The following TSPAN18 variants were observed in gnomAD, a reference collection of about 807,000 sequenced individuals.
TSPAN18 encodes the protein tetraspanin-18.
In TSPAN18, 14 loss-of-function variants were observed where a neutral mutation model predicts 27.3. That is an observed-to-expected ratio of 0.51 (90% CI 0.34 to 0.80). The LOEUF (loss-of-function observed/expected upper bound fraction) is 0.80. Among genes scored for constraint, TSPAN18 ranks in the 30% least tolerant of loss-of-function variants. The pLI is 0.01. For synonymous variants in TSPAN18, 143 were observed against 136.5 expected (o/e 1.05, Z -0.33); for missense variants, 268 against 323.9 (o/e 0.83, Z 1.32).
At chr11:44,787,381 T>G (rs1339969195) in intron 2 of TSPAN18, among the ~76,000 whole-genome samples, 2 of 152,208 alleles carry the variant, frequency 1.3e-5, no homozygotes, top group Non-Finnish European at 2.9e-5. Flanking sequence ...GAACCTGAAC[T>G]TATCCCATCC....
chr11:44,833,356 G>C (rs558583408), intron 2 of TSPAN18, among the ~76,000 whole-genome samples: 1 of 151,966 alleles, frequency 6.6e-6, no homozygotes, highest in East Asian at 2.0e-4. Context: ...CTACCTCTGA[G>C]CAAATGGTGC....
At chr11:44,917,011 AT>A (rs1412292953) in intron 5 of TSPAN18, among the ~76,000 whole-genome samples, 1 of 152,228 alleles carries the variant, frequency 6.6e-6, no homozygotes. Context: ...CAGGGCCTTC[AT>A]GGCGAGTGCT....
rs191910169 is a variant in TSPAN18 at position 44,888,624 on chromosome 11, G to A, written c.-10-17783G>A. Among the ~76,000 whole-genome samples the A allele has an allele frequency of 3.7e-3, 566 of 152,306 alleles. 1 individual carries two copies. Among genetic ancestry groups the A allele is most frequent in the African/African-American group, 0.012 (498 of 41,562 alleles). ...GGGCTGCATTTGGAGGTTGCCTGGT[G>A]TGTGGCCAGGAGTACCTAGGTTGGA... is the stretch of plus-strand genomic sequence containing the variant. On this transcript the variant is annotated intron_variant, in intron 3 of 9. Transcript: ENST00000520358.
At chr11:44,882,308 G>A (rs1030314157) in intron 3 of TSPAN18, among the ~76,000 whole-genome samples, 23 of 152,158 alleles carry the variant, frequency 1.5e-4, no homozygotes, top group South Asian at 4.2e-4. Context: ...ACACCTACCC[G>A]TTCTTCCTTT....
At chr11:44,784,733 G>C (rs74700607) in intron 2 of TSPAN18, among the ~76,000 whole-genome samples, 16,270 of 152,054 alleles carry the variant, frequency 0.11, 1,557 homozygotes, top group East Asian at 0.51. Context: ...GTCAATCAGT[G>C]ATGATAACCC....
At chr11:44,806,041 CTTT>C (rs34132755) in intron 2 of TSPAN18, among the ~76,000 whole-genome samples, 5 of 134,524 alleles carry the variant, frequency 3.7e-5, no homozygotes, top group Admixed American at 2.3e-4. Flanking sequence ...CTATTTTTTC[CTTT>C]TTTTTTTTTT....
At chr11:44,779,133 T>A (rs903303142) in intron 2 of TSPAN18, among the ~76,000 whole-genome samples, 1 of 151,900 alleles carries the variant, frequency 6.6e-6, no homozygotes, top group Admixed American at 6.5e-5. Context: ...CCACAGCCCT[T>A]TTTGGCAAGG....
intron 3 of TSPAN18, among the ~76,000 whole-genome samples, chr11:44,892,285 TGTAG>T (rs1858878896): frequency 6.6e-6 from 1 of 152,064 alleles, no homozygotes. Context: ...CATGACAGGG[TGTAG>T]GTAGGCATCC....
intron 2 of TSPAN18, among the ~76,000 whole-genome samples, chr11:44,774,495 A>C (rs1470099286): frequency 2.0e-5 from 3 of 152,204 alleles, no homozygotes; most frequent in Non-Finnish European, 4.4e-5. Flanking sequence ...CTCTCTATTC[A>C]GGAGAGGTAG....
intron 3 of TSPAN18, among the ~76,000 whole-genome samples, chr11:44,896,781 T>TGCC (rs1288178738): frequency 2.0e-5 from 3 of 151,772 alleles, no homozygotes; most frequent in Non-Finnish European, 4.4e-5. Flanking sequence ...TCCTCCACGC[T>TGCC]GCCACCACCA....
chr11:44,814,115 C>G (rs1294113222), intron 2 of TSPAN18, among the ~76,000 whole-genome samples: 1 of 152,186 alleles, frequency 6.6e-6, no homozygotes, highest in Admixed American at 6.5e-5. Context: ...TTGTTTGTGG[C>G]ATCTCTGCAG....
chr11:44,827,163 G>A (rs1857061273), intron 2 of TSPAN18, among the ~76,000 whole-genome samples: 1 of 152,198 alleles, frequency 6.6e-6, no homozygotes, highest in African/African-American at 2.4e-5. Flanking sequence ...TGACCCTTCC[G>A]GGGGCCTGAT....
chr11:44,785,844 G>A (rs1341926248), intron 2 of TSPAN18, among the ~76,000 whole-genome samples: 1 of 152,226 alleles, frequency 6.6e-6, no homozygotes, highest in South Asian at 2.1e-4. Context: ...GCTGGGGTTC[G>A]AGGGGCAAGA....
chr11:44,885,256 T>C (rs940299680), intron 3 of TSPAN18, among the ~76,000 whole-genome samples: 3 of 152,176 alleles, frequency 2.0e-5, no homozygotes, highest in African/African-American at 7.2e-5. Context: ...CCTGCCCAGC[T>C]CCCATGAGGT....
chr11:44,753,251 C>T (rs906056942), intron 1 of TSPAN18, among the ~76,000 whole-genome samples: 8 of 152,264 alleles, frequency 5.3e-5, no homozygotes, highest in African/African-American at 1.9e-4. Flanking sequence ...GCCTCAACCT[C>T]CCGAGTAGCT....
chr11:44,868,644 G>T (rs1345568610), intron 3 of TSPAN18, among the ~76,000 whole-genome samples: 2 of 152,218 alleles, frequency 1.3e-5, no homozygotes, highest in Non-Finnish European at 2.9e-5. Context: ...CTCTTGCTTG[G>T]AAAGGAGCTT....
At chr11:44,900,194 T>G (rs1859206784) in intron 3 of TSPAN18, among the ~76,000 whole-genome samples, 1 of 152,172 alleles carries the variant, frequency 6.6e-6, no homozygotes, top group South Asian at 2.1e-4. Flanking sequence ...TGTCCCCACA[T>G]TCAGTAGGCC....
intron 3 of TSPAN18, among the ~76,000 whole-genome samples, chr11:44,872,312 TA>T (rs1858217369): frequency 6.6e-6 from 1 of 152,192 alleles, no homozygotes. Context: ...GTTGCCTCCC[TA>T]AAGGTCCTAT....
intron 8 of TSPAN18, among the ~76,000 whole-genome samples, chr11:44,920,600 T>A (rs575503416): frequency 1.2e-4 from 19 of 152,186 alleles, no homozygotes; most frequent in African/African-American, 4.3e-4. Flanking sequence ...CCCTTATGAG[T>A]TCACAATGCC....
Sources: allele counts gnomAD v4.1 joint callset (sites outside exome capture counted in the v4.1 genomes callset), GRCh38; gene constraint gnomAD v4.1.1; transcripts MANE v1.5; gene names NCBI Gene and HGNC (gene_info 2026-07-23, HGNC 2026-07-21).